LMTK2: variants seen among roughly 807,000 people sequenced by gnomAD.
The protein encoded by LMTK2 is serine/threonine-protein kinase LMTK2.
Under a neutral mutation model 127.5 loss-of-function variants are expected in LMTK2, and 37 were observed. The observed-to-expected ratio is 0.29, with a 90% CI of 0.22 to 0.38. The LOEUF is 0.38. LMTK2 is among the 10% of genes least tolerant of loss of function. LMTK2 has a pLI of 1.00. For missense variants in LMTK2, 1,694 were observed against 1,920.3 expected (o/e 0.88, Z 2.20); for synonymous variants, 819 against 810.1 (o/e 1.01, Z -0.19).
rs1334945732 is a variant in LMTK2 at position 98,194,163 on chromosome 7, A to G, written c.3698A>G (p.Asn1233Ser). The part of the protein sequence containing the change: ...CTLASTGTNT[N>S]ELLAYTNSAL... Reference sequence around the variant, plus strand: ...CTCGCTTCCACGGGGACCAACACGAACGAACTCCTTGCCTACACCAATTCT... The same window carrying G: ...CTCGCTTCCACGGGGACCAACACGAGCGAACTCCTTGCCTACACCAATTCT... The change falls in exon 11 of 14, where the codon AAC (asparagine) becomes AGC (serine). Residue 1233 changes from asparagine (N) to serine (S), a missense_variant. Asn to Ser is a conservative substitution (Grantham distance 46). Around this residue, in one of 8 missense-constraint regions of LMTK2, gnomAD observed 554 missense variants for 567.7 expected, o/e 0.98. Transcript: ENST00000297293. This position sits in a 1 kb window ranked among gnomAD's most constrained non-coding sequence, Gnocchi z 5.4. The G allele has an allele frequency of 2.5e-6, 4 of 1,613,854 alleles. No homozygotes were observed. In the African/African-American group the frequency reaches 5.3e-5, roughly 22 times the overall value.
chr7:98,147,308 TC>T (rs1202292598), intron 3 of LMTK2, among the ~76,000 whole-genome samples: 1 of 152,112 alleles, frequency 6.6e-6, no homozygotes, highest in South Asian at 2.1e-4. Flanking sequence ...AGCCTCGACT[TC>T]CTGGGCTCCA....
At chr7:98,182,529 A>G (rs1797369755) in intron 7 of LMTK2, among the ~76,000 whole-genome samples, 1 of 152,234 alleles carries the variant, frequency 6.6e-6, no homozygotes. Flanking sequence ...ATTTCCCATA[A>G]TGAAATACCA....
At chr7:98,164,687 C>G (rs1584273212) in intron 6 of LMTK2, among the ~76,000 whole-genome samples, 1 of 152,078 alleles carries the variant, frequency 6.6e-6, no homozygotes, top group Non-Finnish European at 1.5e-5. Context: ...AGTGTGGAGA[C>G]AGGGGATGCT....
chr7:98,188,580 G>C (rs1797474376), intron 9 of LMTK2, among the ~76,000 whole-genome samples: 1 of 152,170 alleles, frequency 6.6e-6, no homozygotes, highest in African/African-American at 2.4e-5. Context: ...TTATAGTCAT[G>C]AGCCATCGCG....
intron 3 of LMTK2, among the ~76,000 whole-genome samples, chr7:98,144,226 T>G (rs1345884039): frequency 1.3e-5 from 2 of 151,858 alleles, no homozygotes; most frequent in Non-Finnish European, 2.9e-5. Flanking sequence ...GTCAGGAGAT[T>G]GAGACCATCC....
chr7:98,159,436 T>C lies in LMTK2; in HGVS notation c.657+11T>C, dbSNP rs372673450. The stretch of plus-strand genomic sequence containing the variant: ...GAGTTCTGTGACTTGGTAAGTTCCT[T>C]GAAGGAATTCAAGTTCGAGTATTCC... On this transcript the variant is annotated intron_variant, in intron 6 of 13. Coordinates refer to ENST00000297293, the MANE Select transcript of LMTK2 (RefSeq NM_014916.4). 62 of 1,572,112 alleles carry C rather than the reference T, an allele frequency of 3.9e-5. No individual in the cohort carries two copies. The highest frequency in any genetic ancestry group is 5.3e-5 in the Non-Finnish European group (61 of 1,142,800).
At chr7:98,200,131 T>C (rs1797686607) in intron 11 of LMTK2, among the ~76,000 whole-genome samples, 1 of 152,196 alleles carries the variant, frequency 6.6e-6, no homozygotes, top group Non-Finnish European at 1.5e-5. Flanking sequence ...GTGGTTGTTC[T>C]GGGGGTTACA....
At position 98,194,492 on chromosome 7, in the gene LMTK2, G is replaced by A. The variant is rs755534979; in HGVS notation, c.4027G>A (p.Asp1343Asn). The change falls in exon 11 of 14, where the codon GAC becomes AAC. Residue 1343 changes from aspartate (D) to asparagine (N), a missense_variant. Transcript: ENST00000297293. This position sits in a 1 kb window ranked among gnomAD's most constrained non-coding sequence, Gnocchi z 5.4. ...GAAGCCCACAGCGGCCAATGCCCCC[G>A]ACCCACTGCCCGAGGACTGGAAGAA... is the stretch of plus-strand genomic sequence containing the variant. ...LLKPTAANAP[D>N]PLPEDWKKEK... 36 of 1,613,580 alleles carry A rather than the reference G, an allele frequency of 2.2e-5. No homozygotes were observed. Among genetic ancestry groups the A allele is most frequent in the Admixed American group, 2.0e-4 (12 of 59,994 alleles).
At position 98,193,207 on chromosome 7, in the gene LMTK2, A is replaced by C. The variant is rs1009261874; in HGVS notation, c.2742A>C (p.Val914=). 1 of 1,613,786 alleles carries C rather than the reference A, an allele frequency of 6.2e-7. No individual in the cohort carries two copies. The highest frequency in any genetic ancestry group is 8.5e-7 in the Non-Finnish European group (1 of 1,180,000). ...ADDILASRVS[V]GSSLPELGQE... The stretch of plus-strand genomic sequence containing the variant: ...ACATCCTTGCCAGCAGGGTGAGTGT[A>C]GGGAGTAGTCTCCCGGAACTGGGAC... The change falls in exon 11 of 14, where the codon GTA becomes GTC. Residue 914 remains valine, a synonymous_variant. Coordinates refer to ENST00000297293, the MANE Select transcript of LMTK2 (RefSeq NM_014916.4). The surrounding 1 kb of genome is among the most constrained non-coding windows in gnomAD (Gnocchi z 4.1).
chr7:98,159,074 A>T (rs936689502), intron 5 of LMTK2, among the ~76,000 whole-genome samples: 13 of 152,078 alleles, frequency 8.5e-5, no homozygotes, highest in African/African-American at 1.7e-4. Flanking sequence ...AAAAATTTTT[A>T]AAGTTTCTTA....
At chr7:98,174,016 A>T (rs1797236690) in intron 7 of LMTK2, among the ~76,000 whole-genome samples, 1 of 151,620 alleles carries the variant, frequency 6.6e-6, no homozygotes, top group Non-Finnish European at 1.5e-5. Flanking sequence ...AGATCATGCC[A>T]CTGCACTCTA....
chr7:98,149,320 T>A (rs189935807), intron 3 of LMTK2, among the ~76,000 whole-genome samples: 2 of 152,316 alleles, frequency 1.3e-5, no homozygotes, highest in South Asian at 2.1e-4. Flanking sequence ...TACAAAGATA[T>A]TCTACCCTGT....
Position 98,184,946 on chromosome 7 carries a change from A to G in LMTK2, c.792-105A>G, listed in dbSNP as rs562369113. On this transcript the variant is annotated intron_variant, in intron 7 of 13. Coordinates refer to ENST00000297293, the MANE Select transcript of LMTK2 (RefSeq NM_014916.4). ...TTAATTCTTAAGCAGAGAGCTCAAT[A>G]TACTTACTCGGATCCCGAGAGAAAG... 812 of 776,230 alleles carry G rather than the reference A, an allele frequency of 1.0e-3. 12 individuals are homozygous for G. In the South Asian group the frequency reaches 0.011, roughly 11 times the overall value. 48.1% of individuals were successfully genotyped at this position (776,230 alleles called of 1,614,324 possible).
intron 2 of LMTK2, among the ~76,000 whole-genome samples, chr7:98,140,167 CTTTT>C (rs1796669311): frequency 3.0e-4 from 14 of 46,766 alleles, no homozygotes; most frequent in Admixed American, 5.0e-4. Flanking sequence ...CTTTTCTTTT[CTTTT>C]CTTTCTTTTC....
At chr7:98,159,100 T>C (rs1293825885) in intron 5 of LMTK2, among the ~76,000 whole-genome samples, 1 of 152,156 alleles carries the variant, frequency 6.6e-6, no homozygotes, top group Non-Finnish European at 1.5e-5. Flanking sequence ...AGATTTCTTT[T>C]TTAATTTGTG....
rs1275104958 is a variant in LMTK2 at position 98,107,293 on chromosome 7, G to C, written c.103+13G>C. On this transcript the variant is annotated intron_variant, in intron 1 of 13. Transcript: ENST00000297293. ...CAAACAGGTGCAGGTGAGCGGGCCC[G>C]CGGCGGGGACGGGGCTGCGGGGTCT... is the stretch of plus-strand genomic sequence containing the variant. 1 of 1,341,686 alleles carries C rather than the reference G, an allele frequency of 7.5e-7. No homozygotes were observed. Among genetic ancestry groups the C allele is most frequent in the South Asian group, 1.8e-5 (1 of 54,438 alleles). 83.1% of individuals were successfully genotyped at this position (1,341,686 alleles called of 1,614,324 possible). A position where few individuals can be genotyped will look rare whatever the true frequency, so the allele number is the denominator to read the frequency against.
At chr7:98,135,447 G>T (rs1796583397) in intron 1 of LMTK2, among the ~76,000 whole-genome samples, 1 of 151,998 alleles carries the variant, frequency 6.6e-6, no homozygotes, top group Admixed American at 6.5e-5. Context: ...GAGTGGCTGG[G>T]ACTTCAGGCA....
intron 9 of LMTK2, among the ~76,000 whole-genome samples, chr7:98,189,397 A>T (rs1354101330): frequency 1.3e-5 from 2 of 151,948 alleles, no homozygotes; most frequent in Non-Finnish European, 2.9e-5. Context: ...TCCTTTAGTG[A>T]TTTTTGTCAA....
At chr7:98,109,648 G>A (rs1187172985) in intron 1 of LMTK2, among the ~76,000 whole-genome samples, 1 of 151,126 alleles carries the variant, frequency 6.6e-6, no homozygotes, top group Non-Finnish European at 1.5e-5. Flanking sequence ...GGAGGCTGAG[G>A]CAGGAAAATT....
Sources: gnomAD v4.1 joint callset for allele counts (sites outside exome capture counted in the v4.1 genomes callset) on GRCh38, gnomAD v4.1.1 for gene constraint, gnomAD v4.1.1 regional missense constraint, Gnocchi (gnomAD v3.1) non-coding constraint, MANE v1.5 for transcripts, NCBI Gene and HGNC (gene_info 2026-07-23, HGNC 2026-07-21) for gene names.